ASB18: variants seen among roughly 807,000 people sequenced by gnomAD.
ASB18 encodes the protein ankyrin repeat and SOCS box containing 18.
A neutral mutation model predicts 33.4 loss-of-function variants in ASB18; 33 were observed. That is an observed-to-expected ratio of 0.99 (90% confidence interval 0.75 to 1.32). ASB18 has a LOEUF of 1.32. Ranked by LOEUF, ASB18 falls within the 40% of genes most tolerant of loss-of-function variation. The pLI, the probability that ASB18 is intolerant of heterozygous loss-of-function variation, is 0.00. For synonymous variants in ASB18, 295 were observed against 307.6 expected, an observed-to-expected ratio of 0.96 and a Z score of 0.43; for missense variants, 694 against 655.5, an observed-to-expected ratio of 1.06 and a Z score of -0.64.
In ASB18 at chr2:236,211,609, C is replaced by T. The variant is rs1384468451; in HGVS notation, c.1101+2753G>A. Among the ~76,000 whole-genome samples the T allele has an allele frequency of 1.3e-5, 2 of 152,234 alleles. No homozygotes were observed. The highest frequency in any genetic ancestry group is 6.5e-5 in the Admixed American group (1 of 15,290). On this transcript the variant is annotated intron_variant, in intron 4 of 5. Coordinates refer to ENST00000409749, the MANE Select transcript of ASB18 (RefSeq NM_212556.4). The surrounding 1 kb of genome is among the most constrained non-coding windows in gnomAD (Gnocchi z 5.0). ...TGACTCTACGCTCGGCTCGCCATGG[C>T]GCCCGTGTGGTGCCTGCCCAGCATC...
In ASB18 at chr2:236,237,356, CGGGG is replaced by C. The variant is rs2060597699; in HGVS notation, c.596+329_596+332del. 1.3e-4 allele frequency among the ~76,000 whole-genome samples: 5 copies of C among 39,322 alleles called. No individual in the cohort carries two copies. Among genetic ancestry groups the C allele is most frequent in the African/African-American group, 2.8e-4 (3 of 10,866 alleles). 25.8% of individuals were successfully genotyped at this position (39,322 alleles called of 152,430 possible). On this transcript the variant is annotated intron_variant, in intron 3 of 5. Coordinates refer to ENST00000409749, the MANE Select transcript of ASB18 (RefSeq NM_212556.4). The surrounding 1 kb of genome is among the most constrained non-coding windows in gnomAD (Gnocchi z 6.2). ...ACCCGCGGGGGCCGGGGCCGGGGCG[CGGGG>C]CGGGGGCCGGGGCCGGGGCGCGGGG...
At position 236,264,037 on chromosome 2, in the gene ASB18, A is replaced by G. The variant is rs2060733992; in HGVS notation, c.205+104T>C. ...AGAGTCAGATATCCGAGTACATATC[A>G]TTTACTTTTTCCAAACATTTGCCCC... On this transcript the variant is annotated intron_variant, in intron 1 of 5. Transcript: ENST00000409749. The surrounding 1 kb of genome is among the most constrained non-coding windows in gnomAD (Gnocchi z 5.1). The G allele has an allele frequency of 3.3e-6, 3 of 900,360 alleles. No individual in the cohort carries two copies. Among genetic ancestry groups the G allele is most frequent in the East Asian group, 2.6e-5 (1 of 38,224 alleles). The allele number at this position is 900,360 out of a possible 1,614,324, so 55.8% of individuals were successfully genotyped here.
chr2:236,255,038 C>G lies in ASB18; in HGVS notation c.205+9103G>C, dbSNP rs565238495. 1.3e-5 allele frequency among the ~76,000 whole-genome samples: 2 copies of G among 152,298 alleles called. No homozygotes were observed. The highest frequency in any genetic ancestry group is 4.2e-4 in the South Asian group (2 of 4,806). The stretch of plus-strand genomic sequence containing the variant: ...TGCCTGCTCCCCATTTGCGTTCCGC[C>G]GCGACTGAAAGCTTCCTGAAGTCTC... On this transcript the variant is annotated intron_variant, in intron 1 of 5. Transcript: ENST00000409749. The surrounding 1 kb of genome is among the most constrained non-coding windows in gnomAD (Gnocchi z 4.4).
At position 236,263,406 on chromosome 2, in the gene ASB18, G is replaced by T. The variant is rs989407537; in HGVS notation, c.205+735C>A. Among the ~76,000 whole-genome samples, 3 of 152,188 alleles carry T rather than the reference G, an allele frequency of 2.0e-5. No individual in the cohort carries two copies. The highest frequency in any genetic ancestry group is 2.0e-4 in the Admixed American group (3 of 15,288). On this transcript the variant is annotated intron_variant, in intron 1 of 5. Coordinates refer to ENST00000409749, the MANE Select transcript of ASB18 (RefSeq NM_212556.4). The surrounding 1 kb of genome is among the most constrained non-coding windows in gnomAD (Gnocchi z 4.0). ...ACAGGCAGTGAAGAATTACCAGTGT[G>T]TGCTTATCAAATGGCAATTTAATAC...
rs1559330319 is a variant in ASB18, at chr2:236,215,499, C to T, written c.597-633G>A. Among the ~76,000 whole-genome samples, 2 of 152,124 alleles carry T rather than the reference C, an allele frequency of 1.3e-5. No homozygotes were observed. The highest frequency in any genetic ancestry group is 2.1e-4 in the South Asian group (1 of 4,822). On this transcript the variant is annotated intron_variant, in intron 3 of 5. Coordinates refer to ENST00000409749, the MANE Select transcript of ASB18 (RefSeq NM_212556.4). This position sits in a 1 kb window ranked among gnomAD's most constrained non-coding sequence, Gnocchi z 7.2. ...TTGAACAGACTGGATATTGGCTGCA[C>T]CTGAATTCCCCAGTGGTCTCCAGGA...
chr2:236,214,838 C>T lies in ASB18; in HGVS notation c.625G>A (p.Ala209Thr). Residue 209 changes from alanine to threonine, a missense_variant, in exon 4 of 6, where the codon GCC (alanine) becomes ACC (threonine). Physicochemically the swap from Ala to Thr is moderately conservative, Grantham distance 58. Transcript: ENST00000409749. The surrounding 1 kb of genome is among the most constrained non-coding windows in gnomAD (Gnocchi z 6.5). The stretch of plus-strand genomic sequence containing the variant: ...GTGCCGCCCACGCGCTGCACCGAGG[C>T]CCCGTGCTCCAGCAGCGCCTGCGCG... The part of the protein sequence containing the change: ...GCAQALLEHG[A>T]SVQRVGGTGR... 8.2e-7 allele frequency: 1 copy of T among 1,212,774 alleles called. No homozygotes were observed. The highest frequency in any genetic ancestry group is 1.0e-6 in the Non-Finnish European group (1 of 975,510). 75.1% of individuals were successfully genotyped at this position (1,212,774 alleles called of 1,614,324 possible).
intron 2 of ASB18, among the ~76,000 whole-genome samples, chr2:236,240,761 C>G (rs1213859725): frequency 6.6e-6 from 1 of 152,210 alleles, no homozygotes; most frequent in East Asian, 1.9e-4. Flanking sequence ...TGGTTTCTTC[C>G]TTTTTCCTTC....
In ASB18 at chr2:236,220,027, A is replaced by C. The variant is rs767408036; in HGVS notation, c.597-5161T>G. Reference sequence around the variant, plus strand: ...TCTGGGTGCCTCATCTCTGTTTTCGATAATGACTGCAATGACAGGTTGTTA... The same window carrying C: ...TCTGGGTGCCTCATCTCTGTTTTCGCTAATGACTGCAATGACAGGTTGTTA... On this transcript the variant is annotated intron_variant, in intron 3 of 5. Coordinates refer to ENST00000409749, the MANE Select transcript of ASB18 (RefSeq NM_212556.4). The surrounding 1 kb of genome is among the most constrained non-coding windows in gnomAD (Gnocchi z 5.1). 6.6e-6 allele frequency among the ~76,000 whole-genome samples: 1 copy of C among 152,234 alleles called. No homozygotes were observed. The highest frequency in any genetic ancestry group is 1.5e-5 in the Non-Finnish European group (1 of 68,042).
Position 236,215,152 on chromosome 2 carries a change from G to A in ASB18, c.597-286C>T, listed in dbSNP as rs2060482118. Among the ~76,000 whole-genome samples the A allele has an allele frequency of 6.6e-6, 1 of 152,162 alleles. No homozygotes were observed. Among genetic ancestry groups the A allele is most frequent in the Admixed American group, 6.5e-5 (1 of 15,280 alleles). ...AAATTTTAACTGCTTGGAGCTTCCT[G>A]GGAAGGTGATGTGGTTCAAATGACG... On this transcript the variant is annotated intron_variant, in intron 3 of 5. Coordinates refer to ENST00000409749, the MANE Select transcript of ASB18 (RefSeq NM_212556.4). The surrounding 1 kb of genome is among the most constrained non-coding windows in gnomAD (Gnocchi z 7.2).
At chr2:236,242,118 A>G (rs1324292770) in intron 1 of ASB18, among the ~76,000 whole-genome samples, 2 of 152,200 alleles carry the variant, frequency 1.3e-5, no homozygotes, top group Non-Finnish European at 2.9e-5. Context: ...TTTACTCCCA[A>G]TAACAACCAC....
Position 236,220,469 on chromosome 2 carries a change from C to A in ASB18, c.597-5603G>T, listed in dbSNP as rs2060505708. Among the ~76,000 whole-genome samples the A allele has an allele frequency of 6.6e-6, 1 of 152,206 alleles. No individual in the cohort carries two copies. The highest frequency in any genetic ancestry group is 1.5e-5 in the Non-Finnish European group (1 of 68,040). On this transcript the variant is annotated intron_variant, in intron 3 of 5. Coordinates refer to ENST00000409749, the MANE Select transcript of ASB18 (RefSeq NM_212556.4). This position sits in a 1 kb window ranked among gnomAD's most constrained non-coding sequence, Gnocchi z 5.1. ...TCGTCTCCCCTGCCTCCTGATCACC[C>A]TCTTTATTCAAAGCCCTGGAAATGC...
Position 236,221,482 on chromosome 2 carries a change from CT to C in ASB18, c.597-6617del, listed in dbSNP as rs1392205579. 6.6e-6 allele frequency among the ~76,000 whole-genome samples: 1 copy of C among 152,086 alleles called. No homozygotes were observed. The highest frequency in any genetic ancestry group is 2.4e-5 in the African/African-American group (1 of 41,384). Reference sequence around the variant, plus strand: ...TGGGGGTGGTTTCCTTCATACTGTTCTCTTGGTAGTGAATAAGTCTCATGAG... The same window carrying C: ...TGGGGGTGGTTTCCTTCATACTGTTCCTTGGTAGTGAATAAGTCTCATGAG... On this transcript the variant is annotated intron_variant, in intron 3 of 5. Coordinates refer to ENST00000409749, the MANE Select transcript of ASB18 (RefSeq NM_212556.4). This position sits in a 1 kb window ranked among gnomAD's most constrained non-coding sequence, Gnocchi z 5.6.
chr2:236,202,777 C>CAAAAAAAAAAAA (rs34973734), intron 4 of ASB18, among the ~76,000 whole-genome samples: 9 of 68,694 alleles, frequency 1.3e-4, no homozygotes, highest in African/African-American at 2.8e-4. Flanking sequence ...GACTCCGTCT[C>CAAAAAAAAAAAA]AAAAAAAAAA....
chr2:236,242,810 C>T (rs1297691894), intron 1 of ASB18, among the ~76,000 whole-genome samples: 6 of 147,614 alleles, frequency 4.1e-5, no homozygotes, highest in Non-Finnish European at 9.0e-5. Flanking sequence ...TTTGTTGAGT[C>T]CAGGAGTTTG....
chr2:236,248,266 TGGA>T lies in ASB18; in HGVS notation c.206-6867_206-6865del. ...CCTGGTAGTTTCAGGCATAATGGGT[TGGA>T]GGTGCAGCCTGGGCAACAGGACTGT... On this transcript the variant is annotated intron_variant, in intron 1 of 5. Transcript: ENST00000409749. This position sits in a 1 kb window ranked among gnomAD's most constrained non-coding sequence, Gnocchi z 4.9. 1 of 152,218 alleles carries T rather than the reference TGGA, an allele frequency of 6.6e-6. No individual in the cohort carries two copies. Among genetic ancestry groups the T allele is most frequent in the East Asian group, 1.9e-4 (1 of 5,176 alleles). The allele number at this position is 152,218 out of a possible 1,614,324, so 9.4% of individuals were successfully genotyped here.
At position 236,256,798 on chromosome 2, in the gene ASB18, T is replaced by A; in HGVS notation, c.205+7343A>T. 6.6e-6 allele frequency among the ~76,000 whole-genome samples: 1 copy of A among 152,216 alleles called. No homozygotes were observed. Among genetic ancestry groups the A allele is most frequent in the East Asian group, 1.9e-4 (1 of 5,192 alleles). On this transcript the variant is annotated intron_variant, in intron 1 of 5. Coordinates refer to ENST00000409749, the MANE Select transcript of ASB18 (RefSeq NM_212556.4). The surrounding 1 kb of genome is among the most constrained non-coding windows in gnomAD (Gnocchi z 4.7). ...AGACGCGACCCTGTAGGATTTTTTTTCTTGTCCATATGCCTTTGAAGCCGG... is the reference window on the plus strand; with the variant it reads ...AGACGCGACCCTGTAGGATTTTTTTACTTGTCCATATGCCTTTGAAGCCGG...
intron 4 of ASB18, among the ~76,000 whole-genome samples, chr2:236,197,822 C>A (rs1376185368): frequency 8.9e-5 from 13 of 146,692 alleles, no homozygotes; most frequent in African/African-American, 1.5e-4. Context: ...AACTCAGTCT[C>A]AAAAAAAAAA....
Position 236,249,015 on chromosome 2 carries a change from T to C in ASB18, c.206-7613A>G, listed in dbSNP as rs1332977569. On this transcript the variant is annotated intron_variant, in intron 1 of 5. Transcript: ENST00000409749. The surrounding 1 kb of genome is among the most constrained non-coding windows in gnomAD (Gnocchi z 4.6). ...TCTTGTTTTTAAGTTAAGAGGTTGT[T>C]GGTTGTTTTGATGCATTGATATTTA... 2.6e-5 allele frequency: 4 copies of C among 152,220 alleles called. No individual in the cohort carries two copies. Among genetic ancestry groups the C allele is most frequent in the African/African-American group, 9.6e-5 (4 of 41,458 alleles). The allele number at this position is 152,220 out of a possible 1,614,324, so 9.4% of individuals were successfully genotyped here. A position where few individuals can be genotyped will look rare whatever the true frequency, so the allele number is the denominator to read the frequency against.
rs1173252745 is a variant in ASB18, at chr2:236,241,314, C to T, written c.294G>A (p.Trp98Ter). 6.2e-7 allele frequency: 1 copy of T among 1,613,642 alleles called. No individual in the cohort carries two copies. Among genetic ancestry groups the T allele is most frequent in the Non-Finnish European group, 8.5e-7 (1 of 1,179,716 alleles). The part of the protein sequence containing the change: ...VFEINKDEME[W>*]QVKSPATFGL... ...CAAACGTGGCTGGAGATTTCACCTG[C>T]CATTCCATCTCATCCTTATTGATCT... The change falls in exon 2 of 6, where the codon TGG becomes TGA. Residue 98 changes from tryptophan to a stop codon, truncating the protein, a stop_gained. Transcript: ENST00000409749. LOFTEE classifies it high-confidence loss of function. The surrounding 1 kb of genome is among the most constrained non-coding windows in gnomAD (Gnocchi z 4.2).
Sources: gnomAD v4.1 joint callset for allele counts (sites outside exome capture counted in the v4.1 genomes callset) on GRCh38, gnomAD v4.1.1 for gene constraint, Gnocchi (gnomAD v3.1) non-coding constraint, MANE v1.5 for transcripts, NCBI Gene and HGNC (gene_info 2026-07-23, HGNC 2026-07-21) for gene names.